The following FHIP1A variants were observed in gnomAD, a reference collection of about 807,000 sequenced individuals.
FHIP1A encodes the protein FHF complex subunit HOOK-interacting protein 1A.
Under a neutral mutation model 88.6 loss-of-function variants are expected in FHIP1A, and 61 were observed. The ratio of observed to expected loss-of-function variants is 0.69; its 90% CI spans 0.56 to 0.85. The LOEUF is 0.85. Among genes scored for constraint, FHIP1A ranks in the 40% least tolerant of loss-of-function variants. The probability of loss-of-function intolerance (pLI) is 0.00; values close to 1 mark genes in which losing one functional copy is unlikely to be tolerated. For synonymous variants in FHIP1A, 478 were observed against 496.0 expected (o/e 0.96, Z 0.48); for missense variants, 1,154 against 1,273.5 (o/e 0.91, Z 1.43).
Position 151,478,593 on chromosome 4 carries a change from TA to T in FHIP1A, c.-247-3930del, listed in dbSNP as rs1729792748. ...AAGTATGTTTCTTGGAGGTTATCAATACTAGCTGTGCAAACCAAAGATGTCA... is the reference window on the plus strand; with the variant it reads ...AAGTATGTTTCTTGGAGGTTATCAATCTAGCTGTGCAAACCAAAGATGTCA... On this transcript the variant is annotated intron_variant, in intron 2 of 13. Coordinates refer to ENST00000435205, the MANE Select transcript of FHIP1A (RefSeq NM_001109977.3). Among the ~76,000 whole-genome samples the T allele has an allele frequency of 2.0e-5, 3 of 152,296 alleles. No homozygotes were observed. The South Asian group carries it at 6.2e-4, about 32-fold the overall frequency.
intron 8 of FHIP1A, among the ~76,000 whole-genome samples, chr4:151,632,526 G>T (rs1163658002): frequency 6.6e-6 from 1 of 151,986 alleles, no homozygotes. Flanking sequence ...GCAATGGCAG[G>T]ATATACGGTT....
At chr4:151,591,297 A>T (rs140059771) in intron 7 of FHIP1A, among the ~76,000 whole-genome samples, 1 of 152,218 alleles carries the variant, frequency 6.6e-6, no homozygotes, top group East Asian at 1.9e-4. Flanking sequence ...CAGTGAGAGC[A>T]GTCATATCCC....
At chr4:151,635,795 A>G (rs1451601257) in intron 8 of FHIP1A, among the ~76,000 whole-genome samples, 1 of 151,998 alleles carries the variant, frequency 6.6e-6, no homozygotes, top group African/African-American at 2.4e-5. Context: ...AATGTTTTAG[A>G]GATCTGTTGC....
At chr4:151,589,055 C>A (rs1734327904) in intron 7 of FHIP1A, 129 bp downstream of exon 7, 1 of 686,976 alleles carries the variant, frequency 1.5e-6, no homozygotes. Flanking sequence ...GTCTATATTT[C>A]TTAGCAATAT....
intron 3 of FHIP1A, among the ~76,000 whole-genome samples, chr4:151,527,359 C>CA (rs1241737234): frequency 6.6e-6 from 1 of 152,156 alleles, no homozygotes; most frequent in Non-Finnish European, 1.5e-5. Flanking sequence ...CCGTCTCCAC[C>CA]AAAAAAATAT....
Position 151,577,734 on chromosome 4 carries a change from C to G in FHIP1A, c.390C>G (p.His130Gln). The G allele has an allele frequency of 6.4e-7, 1 of 1,551,748 alleles. No individual in the cohort carries two copies. Among genetic ancestry groups the G allele is most frequent in the Non-Finnish European group, 8.7e-7 (1 of 1,146,992 alleles). Residue 130 changes from histidine (H) to glutamine (Q), a missense_variant, in exon 5 of 14, where the codon CAC (histidine) becomes CAG (glutamine). Transcript: ENST00000435205. ...ATGAGATGTTGGTCACCCAGTCGCA[C>G]CAGCCTCTGCTGCACCACAAACCCA... ...KMYEMLVTQS[H>Q]QPLLHHKPIL...
At chr4:151,465,592 A>G (rs558426923) in intron 2 of FHIP1A, among the ~76,000 whole-genome samples, 45 of 152,348 alleles carry the variant, frequency 3.0e-4, no homozygotes, top group African/African-American at 9.6e-4. Flanking sequence ...TCAGACTAAT[A>G]TCACTGATCA....
At chr4:151,595,852 C>G (rs1734626870) in intron 7 of FHIP1A, among the ~76,000 whole-genome samples, 1 of 151,850 alleles carries the variant, frequency 6.6e-6, no homozygotes, top group South Asian at 2.1e-4. Flanking sequence ...TGCAACACTG[C>G]TTTTTTTTGC....
At chr4:151,454,177 T>C (rs1728891854) in intron 1 of FHIP1A, among the ~76,000 whole-genome samples, 1 of 152,010 alleles carries the variant, frequency 6.6e-6, no homozygotes, top group South Asian at 2.1e-4. Context: ...TGTTAAAATA[T>C]GGGTTTTTAA....
At chr4:151,596,238 C>T (rs575478006) in intron 7 of FHIP1A, among the ~76,000 whole-genome samples, 68 of 152,186 alleles carry the variant, frequency 4.5e-4, no homozygotes, top group African/African-American at 1.3e-3. Context: ...AAAATCTTTC[C>T]GCATTTGCTT....
At chr4:151,567,296 T>A (rs933408015) in intron 4 of FHIP1A, among the ~76,000 whole-genome samples, 6 of 152,138 alleles carry the variant, frequency 3.9e-5, no homozygotes, top group Admixed American at 2.0e-4. Flanking sequence ...TTCCTTCTTG[T>A]GGCCGGAAAC....
At position 151,435,775 on chromosome 4, in the gene FHIP1A, A is replaced by G. The variant is rs149911449; in HGVS notation, c.-355-18926A>G. 3.7e-3 allele frequency among the ~76,000 whole-genome samples: 498 copies of G among 133,966 alleles called. 7 individuals carry two copies. The highest frequency in any genetic ancestry group is 0.027 in the Admixed American group (368 of 13,640). 87.9% of individuals were successfully genotyped at this position (133,966 alleles called of 152,430 possible). A position where few individuals can be genotyped will look rare whatever the true frequency, so the allele number is the denominator to read the frequency against. On this transcript the variant is annotated intron_variant, in intron 1 of 13. Transcript: ENST00000435205. ...ACTCCAGCCTGGGTGACAGAGTGAA[A>G]CTCTGTGTCAAAAAAAAAAAAAAAA...
chr4:151,584,668 C>T (rs1436250960), intron 5 of FHIP1A, among the ~76,000 whole-genome samples: 3 of 152,104 alleles, frequency 2.0e-5, no homozygotes, highest in Admixed American at 2.0e-4. Context: ...TTGGATGCCC[C>T]ACACGCTCCT....
chr4:151,497,386 C>G (rs915951234), intron 3 of FHIP1A, among the ~76,000 whole-genome samples: 4 of 152,140 alleles, frequency 2.6e-5, no homozygotes, highest in African/African-American at 9.7e-5. Flanking sequence ...TGGCCAGTCA[C>G]CTGTTTTTTT....
At chr4:151,552,120 C>T (rs928506622) in intron 3 of FHIP1A, among the ~76,000 whole-genome samples, 3 of 152,094 alleles carry the variant, frequency 2.0e-5, no homozygotes, top group African/African-American at 4.8e-5. Flanking sequence ...ATCAAAACCA[C>T]GTAAGATACC....
At chr4:151,578,121 C>G in intron 5 of FHIP1A, 45 bp downstream of exon 5, 1 of 1,504,456 alleles carries the variant, frequency 6.6e-7, no homozygotes, top group Non-Finnish European at 8.9e-7. Flanking sequence ...TCCCTTTTTT[C>G]TCTTCTGTTG....
At chr4:151,418,707 T>C (rs1441116269) in intron 1 of FHIP1A, among the ~76,000 whole-genome samples, 1 of 152,198 alleles carries the variant, frequency 6.6e-6, no homozygotes, top group Non-Finnish European at 1.5e-5. Context: ...CATAGGCTTG[T>C]TTCTAACCAG....
chr4:151,600,950 A>T (rs1329074119), intron 7 of FHIP1A, among the ~76,000 whole-genome samples: 1 of 152,204 alleles, frequency 6.6e-6, no homozygotes, highest in African/African-American at 2.4e-5. Context: ...AGACCACTCA[A>T]TTTCAAGGGA....
In FHIP1A at chr4:151,475,058, G is replaced by A. The variant is rs547023612; in HGVS notation, c.-247-7466G>A. ...AAGGGTCAGGAATTGAAAGTTAGACGTAGGTTTTAGTTTCAGCTGTGCTTC... is the reference window on the plus strand; with the variant it reads ...AAGGGTCAGGAATTGAAAGTTAGACATAGGTTTTAGTTTCAGCTGTGCTTC... On this transcript the variant is annotated intron_variant, in intron 2 of 13. Transcript: ENST00000435205. Among the ~76,000 whole-genome samples the A allele has an allele frequency of 3.9e-5, 6 of 152,308 alleles. No homozygotes were observed. In the East Asian group the frequency reaches 9.6e-4, roughly 24 times the overall value.
Sources: allele counts gnomAD v4.1 joint callset (sites outside exome capture counted in the v4.1 genomes callset), GRCh38; gene constraint gnomAD v4.1.1; transcripts MANE v1.5; gene names NCBI Gene and HGNC (gene_info 2026-07-23, HGNC 2026-07-21).